Variants in GPHN observed in about 807,000 individuals in gnomAD.
GPHN encodes gephyrin.
Under a neutral mutation model 95.5 loss-of-function variants are expected in GPHN, and 17 were observed. The observed-to-expected ratio is 0.18, with a 90% CI of 0.12 to 0.27. The LOEUF is 0.27. Ranked by LOEUF, GPHN falls within the 10% of genes least tolerant of loss-of-function variation. The probability of loss-of-function intolerance (pLI) is 1.00; values close to 1 mark genes in which losing one functional copy is unlikely to be tolerated. For missense variants in GPHN, 660 were observed against 978.1 expected (o/e 0.67, Z 4.34); for synonymous variants, 320 against 322.5 (o/e 0.99, Z 0.08).
intron 1 of GPHN, among the ~76,000 whole-genome samples, chr14:66,627,589 A>G (rs1319896460): frequency 1.3e-5 from 2 of 152,214 alleles, no homozygotes; most frequent in East Asian, 3.9e-4. Flanking sequence ...TGGCCAGCAT[A>G]TAGTATATAA....
chr14:67,733,895 G>A, the GPHN span: 1 of 1,422,016 alleles, frequency 7.0e-7, no homozygotes, highest in South Asian at 1.2e-5. Flanking sequence ...ATGCCATAAT[G>A]AACAGGGACC....
chr14:67,321,398 T>C, the GPHN span: 4 of 759,486 alleles, frequency 5.3e-6, no homozygotes, highest in African/African-American at 7.2e-5. Context: ...ATTTGCTATC[T>C]GAAATCACAC....
In GPHN at chr14:66,706,470, G is replaced by A. The variant is rs554948152; in HGVS notation, c.143+25285G>A. ...GTAGTGGTACCAAAACAGGCATATAGGCCAATGGGATAGAACAGAGACCTC... is the reference window on the plus strand; with the variant it reads ...GTAGTGGTACCAAAACAGGCATATAAGCCAATGGGATAGAACAGAGACCTC... On this transcript the variant is annotated intron_variant, in intron 2 of 22. Transcript: ENST00000478722. Among the ~76,000 whole-genome samples, 23 of 152,144 alleles carry A rather than the reference G, an allele frequency of 1.5e-4. No individual in the cohort carries two copies. In the South Asian group the frequency reaches 2.3e-3, roughly 15 times the overall value.
chr14:67,160,058 A>G (rs937304054), intron 19 of GPHN, among the ~76,000 whole-genome samples: 1 of 152,210 alleles, frequency 6.6e-6, no homozygotes, highest in African/African-American at 2.4e-5. Flanking sequence ...TTTCTCCCAT[A>G]TATCAAGAAA....
intron 16 of GPHN, among the ~76,000 whole-genome samples, chr14:67,119,564 C>T (rs1469922827): frequency 6.6e-6 from 1 of 151,758 alleles, no homozygotes; most frequent in African/African-American, 2.4e-5. Context: ...CCGAGGTGGG[C>T]GGATCACCTG....
chr14:67,323,643 T>TATATATA, the GPHN span: 4 of 557,282 alleles, frequency 7.2e-6, no homozygotes, highest in Non-Finnish European at 9.2e-6. Flanking sequence ...TATATCAGTA[T>TATATATA]TATTAGGAAG....
chr14:67,094,015 G>C (rs1220543927), intron 12 of GPHN, among the ~76,000 whole-genome samples: 1 of 152,082 alleles, frequency 6.6e-6, no homozygotes, highest in Non-Finnish European at 1.5e-5. Flanking sequence ...ACCTCTGAAA[G>C]TTATGCCATC....
At chr14:66,733,971 AC>A (rs2072030731) in intron 2 of GPHN, among the ~76,000 whole-genome samples, 1 of 152,130 alleles carries the variant, frequency 6.6e-6, no homozygotes, top group South Asian at 2.1e-4. Flanking sequence ...CTAGTCCATT[AC>A]CAAATCCCAT....
At chr14:66,643,797 CTA>C (rs1161709912) in intron 1 of GPHN, among the ~76,000 whole-genome samples, 8 of 149,506 alleles carry the variant, frequency 5.4e-5, no homozygotes, top group African/African-American at 7.4e-5. Context: ...CTTTCAAGCT[CTA>C]TATGTGTTTG....
chr14:67,595,757 C>T, the GPHN span, among the ~76,000 whole-genome samples: 3 of 67,938 alleles, frequency 4.4e-5, no homozygotes, highest in African/African-American at 1.1e-4. Flanking sequence ...AACTAGAGGA[C>T]GCTAAGGGTG....
At chr14:67,377,353 T>TTCCACGA in the GPHN span, among the ~76,000 whole-genome samples, 2 of 152,194 alleles carry the variant, frequency 1.3e-5, no homozygotes, top group Non-Finnish European at 2.9e-5. Flanking sequence ...GCCTCAGCTG[T>TTCCACGA]TCCACATTCT....
At chr14:67,572,221 G>A in the GPHN span, 10 of 1,609,540 alleles carry the variant, frequency 6.2e-6, no homozygotes, top group African/African-American at 1.3e-5. Context: ...CTCAGAGCCT[G>A]AGCACAAACT....
intron 1 of GPHN, among the ~76,000 whole-genome samples, chr14:66,565,864 G>A (rs1331780100): frequency 6.6e-6 from 1 of 151,900 alleles, no homozygotes; most frequent in Non-Finnish European, 1.5e-5. Flanking sequence ...ATTTAAAATA[G>A]GTAAGTATGT....
At chr14:67,397,751 C>G in the GPHN span, 30 of 1,613,336 alleles carry the variant, frequency 1.9e-5, no homozygotes, top group Non-Finnish European at 2.5e-5. Flanking sequence ...CTCCGACCCC[C>G]CTCAAGCTTG....
At chr14:67,346,579 T>G in the GPHN span, among the ~76,000 whole-genome samples, 1 of 152,232 alleles carries the variant, frequency 6.6e-6, no homozygotes, top group Non-Finnish European at 1.5e-5. Flanking sequence ...CCTCCCAAAG[T>G]GCTGGGATTG....
At chr14:67,633,600 C>T in the GPHN span, among the ~76,000 whole-genome samples, 1 of 152,162 alleles carries the variant, frequency 6.6e-6, no homozygotes, top group East Asian at 1.9e-4. Flanking sequence ...TCCTGTGGCA[C>T]TCTGCTTCTC....
intron 3 of GPHN, among the ~76,000 whole-genome samples, chr14:66,798,584 A>G (rs1041178753): frequency 6.6e-6 from 1 of 151,686 alleles, no homozygotes; most frequent in Non-Finnish European, 1.5e-5. Context: ...TAGATTTTGC[A>G]ATTTATTGGG....
chr14:66,917,370 T>G (rs2065966662), intron 6 of GPHN, among the ~76,000 whole-genome samples: 1 of 152,172 alleles, frequency 6.6e-6, no homozygotes, highest in South Asian at 2.1e-4. Context: ...AACATATGAC[T>G]TCACTCTTTC....
At chr14:66,734,248 C>G (rs911849669) in intron 2 of GPHN, among the ~76,000 whole-genome samples, 2 of 152,184 alleles carry the variant, frequency 1.3e-5, no homozygotes, top group Admixed American at 6.5e-5. Context: ...GGATAGGCTA[C>G]TAGACCCTGG....
Sources: allele counts gnomAD v4.1 joint callset (sites outside exome capture counted in the v4.1 genomes callset), GRCh38; gene constraint gnomAD v4.1.1; transcripts MANE v1.5; gene names NCBI Gene and HGNC (gene_info 2026-07-23, HGNC 2026-07-21).